DNAH2: variants seen among roughly 807,000 people sequenced by gnomAD.
DNAH2 encodes the protein dynein axonemal heavy chain 2.
Under a neutral mutation model 523.5 loss-of-function variants are expected in DNAH2, and 323 were observed. The observed-to-expected ratio is 0.62, with a 90% confidence interval of 0.56 to 0.68. The LOEUF is 0.68. Ranked by LOEUF, DNAH2 falls within the 30% of genes least tolerant of loss-of-function variation. The pLI is 0.00. For missense variants in DNAH2, 4,907 were observed against 5,701.5 expected, an observed-to-expected ratio of 0.86 and a Z score of 4.49; for synonymous variants, 2,093 against 2,177.4, an observed-to-expected ratio of 0.96 and a Z score of 1.08.
In DNAH2 at chr17:7,830,554, C is replaced by G. The variant is rs1203860175; in HGVS notation, c.12045+63C>G. 3 of 1,604,884 alleles carry G rather than the reference C, an allele frequency of 1.9e-6. No individual in the cohort carries two copies. The Admixed American group carries it at 5.0e-5, about 27-fold the overall frequency. On this transcript the variant is annotated intron_variant, in intron 78 of 85. Transcript: ENST00000572933. ...TCCTTACACGTCCTACCCCATGGCTCCCCTGTGGGAATATCCGTGGACACA... is the reference window on the plus strand; with the variant it reads ...TCCTTACACGTCCTACCCCATGGCTGCCCTGTGGGAATATCCGTGGACACA...
chr17:7,814,064 A>G (rs1043609773), intron 63 of DNAH2, among the ~76,000 whole-genome samples: 1 of 151,990 alleles, frequency 6.6e-6, no homozygotes, highest in Non-Finnish European at 1.5e-5. Flanking sequence ...CTAGAAAGCT[A>G]CACGGGAAAC....
chr17:7,812,049 T>C (rs2077531568), intron 63 of DNAH2, among the ~76,000 whole-genome samples: 1 of 152,174 alleles, frequency 6.6e-6, no homozygotes, highest in African/African-American at 2.4e-5. Context: ...CCAAAGACCG[T>C]AGAAGAAACC....
At position 7,818,048 on chromosome 17, in the gene DNAH2, C is replaced by G; in HGVS notation, c.10339C>G (p.Leu3447Val). 1 of 1,613,846 alleles carries G rather than the reference C, an allele frequency of 6.2e-7. No homozygotes were observed. The highest frequency in any genetic ancestry group is 8.5e-7 in the Non-Finnish European group (1 of 1,180,036). The stretch of plus-strand genomic sequence containing the variant: ...GCTACTTCAGAACGTGCAGGAATAT[C>G]TGGACCCCACACTGAACCCCATGCT... The part of the protein sequence containing the change: ...PVLLQNVQEY[L>V]DPTLNPMLNK... The change falls in exon 68 of 86, where the codon CTG becomes GTG. Residue 3447 changes from leucine to valine, a missense_variant. Coordinates refer to ENST00000572933, the MANE Select transcript of DNAH2 (RefSeq NM_020877.5).
Position 7,786,462 on chromosome 17 carries a change from C to A in DNAH2, c.6349-108C>A. 6.8e-7 allele frequency: 1 copy of A among 1,468,188 alleles called. No individual in the cohort carries two copies. Among genetic ancestry groups the A allele is most frequent in the South Asian group, 1.2e-5 (1 of 81,824 alleles). The allele number at this position is 1,468,188 out of a possible 1,614,324, so 90.9% of individuals were successfully genotyped here. A position where few individuals can be genotyped will look rare whatever the true frequency, so the allele number is the denominator to read the frequency against. On this transcript the variant is annotated intron_variant, in intron 40 of 85. Coordinates refer to ENST00000572933, the MANE Select transcript of DNAH2 (RefSeq NM_020877.5). The surrounding 1 kb of genome is among the most constrained non-coding windows in gnomAD (Gnocchi z 7.5). ...AGAGCTGTACCTGGGACCATGGTGG[C>A]CTGGAGCGATGAGAGAAGGGACAAA...
At chr17:7,811,165 T>G (rs1045964444) in intron 63 of DNAH2, among the ~76,000 whole-genome samples, 2 of 152,180 alleles carry the variant, frequency 1.3e-5, no homozygotes, top group African/African-American at 4.8e-5. Flanking sequence ...CATTTTGCAT[T>G]CCAAATTATG....
rs1294535101 is a variant in DNAH2, at chr17:7,792,646, C to A, written c.7146-11C>A. The A allele has an allele frequency of 1.2e-5, 20 of 1,612,188 alleles. No homozygotes were observed. Among genetic ancestry groups the A allele is most frequent in the Non-Finnish European group, 1.6e-5 (19 of 1,178,794 alleles). On this transcript the variant is annotated splice_polypyrimidine_tract_variant and intron_variant, in intron 46 of 85. Transcript: ENST00000572933. ...GCTGGTCCTTGAGAGCCGGCCCCTG[C>A]TCTTCCCTAGCGCCCCCTTCTATAA...
At position 7,804,328 on chromosome 17, in the gene DNAH2, C is replaced by T. The variant is rs1399093051; in HGVS notation, c.9045C>T (p.Asp3015=). 3.7e-6 allele frequency: 6 copies of T among 1,614,006 alleles called. No homozygotes were observed. The African/African-American group carries it at 4.0e-5, about 11-fold the overall frequency. Residue 3015 remains aspartate (D), a synonymous_variant, in exon 59 of 86, where the codon GAC becomes GAT. Transcript: ENST00000572933. ...NKLRTGLFKI[D]ETREKVQVMS... ...TGCGGACAGGCTTGTTCAAGATCGA[C>T]GAAACTAGGGAAAAGGTGCAAGTGA...
At position 7,786,063 on chromosome 17, in the gene DNAH2, T is replaced by C; in HGVS notation, c.6130-61T>C. 1 of 1,573,586 alleles carries C rather than the reference T, an allele frequency of 6.4e-7. No individual in the cohort carries two copies. Among genetic ancestry groups the C allele is most frequent in the Non-Finnish European group, 8.7e-7 (1 of 1,148,326 alleles). ...ATTCTCTCTGGCACCGGGGAGATTT[T>C]GAAAGCCCTTTAAAGGCCTCATCCT... On this transcript the variant is annotated intron_variant, in intron 39 of 85. Coordinates refer to ENST00000572933, the MANE Select transcript of DNAH2 (RefSeq NM_020877.5). The surrounding 1 kb of genome is among the most constrained non-coding windows in gnomAD (Gnocchi z 7.5).
Position 7,817,354 on chromosome 17 carries a change from A to G in DNAH2, c.9959A>G (p.Tyr3320Cys), listed in dbSNP as rs1475718177. ...CTCCTGGCAGCTGCCTTCCTGTCCTACATGGGACCCTTCCTGACCAACTAC... is the reference window on the plus strand; with the variant it reads ...CTCCTGGCAGCTGCCTTCCTGTCCTGCATGGGACCCTTCCTGACCAACTAC... Reference protein sequence around the residue: ...DCLLAAAFLSYMGPFLTNYRD... With the variant: ...DCLLAAAFLSCMGPFLTNYRD... Residue 3320 changes from tyrosine (Y) to cysteine (C), a missense_variant, in exon 65 of 86, where the codon TAC becomes TGC. By Grantham distance (194) the Tyr-to-Cys change is radical. Coordinates refer to ENST00000572933, the MANE Select transcript of DNAH2 (RefSeq NM_020877.5). 1 of 1,612,588 alleles carries G rather than the reference A, an allele frequency of 6.2e-7. No homozygotes were observed. Among genetic ancestry groups the G allele is most frequent in the Non-Finnish European group, 8.5e-7 (1 of 1,179,658 alleles).
Position 7,833,397 on chromosome 17 carries a change from G to A in DNAH2, c.13148G>A (p.Cys4383Tyr), listed in dbSNP as rs2078250967. 6.2e-7 allele frequency: 1 copy of A among 1,614,114 alleles called. No homozygotes were observed. Among genetic ancestry groups the A allele is most frequent in the Non-Finnish European group, 8.5e-7 (1 of 1,180,022 alleles). The change falls in exon 86 of 86, where the codon TGC becomes TAC. Residue 4383 changes from cysteine (C) to tyrosine (Y), a missense_variant. Physicochemically the swap from Cys to Tyr is radical, Grantham distance 194. Around this residue, in one of 3 missense-constraint regions of DNAH2, gnomAD observed 1,851 missense variants for 2,139.4 expected, o/e 0.87. Transcript: ENST00000572933. ...CCCCCAGGCATGTACTCCTGCCCCT[G>A]CTATTACTATCCCAACCGGGCAGGC... ...KSAKGMYSCP[C>Y]YYYPNRAGSS...
intron 77 of DNAH2, among the ~76,000 whole-genome samples, chr17:7,827,845 C>T (rs1373211113): frequency 3.3e-5 from 5 of 152,092 alleles, no homozygotes; most frequent in Non-Finnish European, 2.9e-5. Flanking sequence ...AGCCTTCAAT[C>T]ATGTTTCCAT....
At chr17:7,812,767 CAAAAA>C (rs59534940) in intron 63 of DNAH2, among the ~76,000 whole-genome samples, 1 of 23,836 alleles carries the variant, frequency 4.2e-5, no homozygotes, top group African/African-American at 1.8e-4. Context: ...CTAAAAATAC[CAAAAA>C]AAAAAAAAAA....
chr17:7,816,458 T>C (rs2077668508), intron 63 of DNAH2, 113 bp from the exon 64 acceptor site: 2 of 1,256,818 alleles, frequency 1.6e-6, no homozygotes, highest in Non-Finnish European at 2.2e-6. Context: ...TCAAAGAGAT[T>C]AATTTAACAA....
At chr17:7,740,727 G>C in intron 10 of DNAH2, 83 bp from the exon 11 acceptor site, 1 of 1,548,816 alleles carries the variant, frequency 6.5e-7, no homozygotes. Flanking sequence ...CCCGCAGCGG[G>C]GTGCAGCTTT....
At chr17:7,734,803 T>G (rs1048407793) in intron 7 of DNAH2, 95 bp downstream of exon 7, 8 of 1,326,708 alleles carry the variant, frequency 6.0e-6, no homozygotes, top group Middle Eastern at 4.5e-4. Flanking sequence ...GCCAAGGCAA[T>G]CTTCGATAGC....
intron 63 of DNAH2, among the ~76,000 whole-genome samples, chr17:7,812,915 C>A (rs867389976): frequency 2.7e-4 from 40 of 150,356 alleles, no homozygotes; most frequent in South Asian, 4.2e-4. Context: ...TGAATGATTG[C>A]ACTCCAGCCT....
At chr17:7,775,960 C>T (rs1005439518) in intron 30 of DNAH2, 64 bp from the exon 31 acceptor site, 42 of 1,596,396 alleles carry the variant, frequency 2.6e-5, no homozygotes, top group Admixed American at 1.3e-4. Flanking sequence ...AAGTGCCTTC[C>T]CTGTGGAGGA....
At chr17:7,826,635 A>T (rs1446756660) in intron 77 of DNAH2, among the ~76,000 whole-genome samples, 1 of 146,160 alleles carries the variant, frequency 6.8e-6, no homozygotes, top group East Asian at 2.1e-4. Flanking sequence ...CGCCTCCCAG[A>T]TTCAAGCGAT....
chr17:7,739,706 G>A (rs546548331), intron 8 of DNAH2, 27 bp from the exon 9 acceptor site: 2 of 1,605,402 alleles, frequency 1.2e-6, no homozygotes, highest in African/African-American at 2.7e-5. Flanking sequence ...AGGAAAGCAG[G>A]AACCCTCATG....
Sources: allele counts gnomAD v4.1 joint callset (sites outside exome capture counted in the v4.1 genomes callset), GRCh38; gene constraint gnomAD v4.1.1; regional missense constraint gnomAD v4.1.1; non-coding constraint Gnocchi (gnomAD v3.1); transcripts MANE v1.5; gene names NCBI Gene and HGNC (gene_info 2026-07-23, HGNC 2026-07-21).